The following DNAI1 variants were observed in gnomAD, a reference collection of about 807,000 sequenced individuals.
DNAI1 encodes dynein axonemal intermediate chain 1.
A neutral mutation model predicts 92.0 loss-of-function variants in DNAI1; 67 were observed. The observed-to-expected ratio is 0.73, with a 90% CI of 0.60 to 0.89. DNAI1 has a LOEUF of 0.89. Ranked by LOEUF, DNAI1 falls within the 40% of genes least tolerant of loss-of-function variation. The pLI is 0.00. For missense variants in DNAI1, 839 were observed against 866.6 expected, an observed-to-expected ratio of 0.97 and a Z score of 0.40; for synonymous variants, 323 against 319.6, an observed-to-expected ratio of 1.01 and a Z score of -0.11.
intron 1 of DNAI1, among the ~76,000 whole-genome samples, chr9:34,468,446 C>A (rs941694053): frequency 1.3e-5 from 2 of 151,580 alleles, no homozygotes; most frequent in African/African-American, 4.8e-5. Flanking sequence ...GTCTTGGCCT[C>A]CCAAAGTGCT....
intron 1 of DNAI1, among the ~76,000 whole-genome samples, chr9:34,473,949 A>T (rs2132047088): frequency 6.6e-6 from 1 of 152,232 alleles, no homozygotes; most frequent in South Asian, 2.1e-4. Context: ...GTTGGTCTCG[A>T]ACTCCTGGAC....
intron 13 of DNAI1, among the ~76,000 whole-genome samples, chr9:34,511,165 A>G (rs1276070100): frequency 1.3e-5 from 2 of 152,150 alleles, no homozygotes; most frequent in African/African-American, 4.8e-5. Context: ...AGAGAATGGA[A>G]AACTCTGGGC....
In DNAI1 at chr9:34,491,486, G is replaced by T; in HGVS notation, c.622-9G>T. Reference sequence around the variant, plus strand: ...CTTTTTGTGGGTCTCCTGTTGTCTTGTTCTTTAGGATCGAGAATGCCAGAC... The same window carrying T: ...CTTTTTGTGGGTCTCCTGTTGTCTTTTTCTTTAGGATCGAGAATGCCAGAC... On this transcript the variant is annotated splice_polypyrimidine_tract_variant and intron_variant, in intron 7 of 19. Transcript: ENST00000242317. 1 of 1,614,164 alleles carries T rather than the reference G, an allele frequency of 6.2e-7. No individual in the cohort carries two copies. The highest frequency in any genetic ancestry group is 8.5e-7 in the Non-Finnish European group (1 of 1,180,030).
chr9:34,486,160 A>C (rs1824465747), intron 4 of DNAI1, among the ~76,000 whole-genome samples: 1 of 152,164 alleles, frequency 6.6e-6, no homozygotes. Flanking sequence ...TTCCGAGTAC[A>C]TTTGAGCTGC....
intron 1 of DNAI1, among the ~76,000 whole-genome samples, chr9:34,461,460 C>G (rs1450530824): frequency 6.6e-6 from 1 of 152,182 alleles, no homozygotes; most frequent in African/African-American, 2.4e-5. Flanking sequence ...CTCCTATGCC[C>G]CACCCCTGGC....
intron 13 of DNAI1, among the ~76,000 whole-genome samples, chr9:34,511,275 A>G (rs1178011654): frequency 6.6e-6 from 1 of 152,248 alleles, no homozygotes; most frequent in Non-Finnish European, 1.5e-5. Context: ...ATAAGACAAC[A>G]GCTCTGTCTC....
At chr9:34,469,735 G>T (rs1424882540) in intron 1 of DNAI1, among the ~76,000 whole-genome samples, 1 of 151,928 alleles carries the variant, frequency 6.6e-6, no homozygotes, top group East Asian at 1.9e-4. Context: ...TCACCACCAT[G>T]GTGGCTAATT....
At chr9:34,514,293 G>A in intron 16 of DNAI1, 101 bp from the exon 17 acceptor site, 6 of 1,492,642 alleles carry the variant, frequency 4.0e-6, no homozygotes, top group Middle Eastern at 1.9e-4. Flanking sequence ...TGCGATGTGG[G>A]TTAAGGACAG....
intron 8 of DNAI1, among the ~76,000 whole-genome samples, chr9:34,492,493 G>GAGATTATATATATATATAT (rs1271867592): frequency 5.9e-5 from 4 of 68,268 alleles, no homozygotes; most frequent in Non-Finnish European, 1.2e-4. Context: ...GGGATATGAA[G>GAGATTATATATATATATAT]ATATATATAT....
At chr9:34,520,489 C>T (rs1825256305) in intron 19 of DNAI1, among the ~76,000 whole-genome samples, 169 bp from the exon 20 acceptor site, 1 of 152,128 alleles carries the variant, frequency 6.6e-6, no homozygotes. Flanking sequence ...GTCACCTAAC[C>T]CGAGTTGGGG....
chr9:34,459,872 A>G (rs1823912843), intron 1 of DNAI1, among the ~76,000 whole-genome samples: 1 of 152,238 alleles, frequency 6.6e-6, no homozygotes, highest in African/African-American at 2.4e-5. Flanking sequence ...AGGACAGGCT[A>G]TGTGCAGGAG....
Position 34,500,714 on chromosome 9 carries a change from T to C in DNAI1, c.902-8T>C, listed in dbSNP as rs755259202. ...TCCCAGGGCTGACTCTGCCTGTGTG[T>C]GTTTAAGATTTTAAGTACTATGACG... On this transcript the variant is annotated splice_region_variant and splice_polypyrimidine_tract_variant and intron_variant, in intron 10 of 19. Coordinates refer to ENST00000242317, the MANE Select transcript of DNAI1 (RefSeq NM_012144.4). 12 of 1,605,366 alleles carry C rather than the reference T, an allele frequency of 7.5e-6. No individual in the cohort carries two copies. Among genetic ancestry groups the C allele is most frequent in the African/African-American group, 1.3e-5 (1 of 74,728 alleles).
At chr9:34,465,057 G>A (rs953992705) in intron 1 of DNAI1, among the ~76,000 whole-genome samples, 2 of 152,330 alleles carry the variant, frequency 1.3e-5, no homozygotes, top group South Asian at 4.1e-4. Flanking sequence ...TTGCTAAGGT[G>A]TCAATGAAGA....
At chr9:34,472,171 C>G (rs1445558800) in intron 1 of DNAI1, among the ~76,000 whole-genome samples, 1 of 152,200 alleles carries the variant, frequency 6.6e-6, no homozygotes, top group Non-Finnish European at 1.5e-5. Flanking sequence ...TACTTGAGGG[C>G]TTACTTTATG....
At chr9:34,484,088 G>A (rs1824426849) in intron 2 of DNAI1, among the ~76,000 whole-genome samples, 1 of 152,072 alleles carries the variant, frequency 6.6e-6, no homozygotes, top group Non-Finnish European at 1.5e-5. Flanking sequence ...GGTGGTGCAT[G>A]CCTGTAGTCC....
intron 1 of DNAI1, among the ~76,000 whole-genome samples, chr9:34,471,491 C>T (rs1277962539): frequency 6.7e-6 from 1 of 148,440 alleles, no homozygotes; most frequent in African/African-American, 2.5e-5. Context: ...TAAGATCATC[C>T]AGGCACAGTG....
At chr9:34,519,012 G>A (rs1427390682) in intron 19 of DNAI1, among the ~76,000 whole-genome samples, 1 of 152,164 alleles carries the variant, frequency 6.6e-6, no homozygotes, top group Non-Finnish European at 1.5e-5. Flanking sequence ...TCAGAGAAGG[G>A]TCAGTCATGG....
At chr9:34,511,281 GTCTCCA>G (rs1825060618) in intron 13 of DNAI1, among the ~76,000 whole-genome samples, 1 of 152,212 alleles carries the variant, frequency 6.6e-6, no homozygotes, top group Admixed American at 6.5e-5. Context: ...CAACAGCTCT[GTCTCCA>G]AAACACTTTC....
At chr9:34,477,192 A>T (rs10738929) in intron 1 of DNAI1, among the ~76,000 whole-genome samples, 67,522 of 151,752 alleles carry the variant, frequency 0.44, 15,988 homozygotes, top group African/African-American at 0.61. Context: ...ATTAAAAAAA[A>T]TTTTTATGTG....
Sources: gnomAD v4.1 joint callset for allele counts (sites outside exome capture counted in the v4.1 genomes callset) on GRCh38, gnomAD v4.1.1 for gene constraint, MANE v1.5 for transcripts, NCBI Gene and HGNC (gene_info 2026-07-23, HGNC 2026-07-21) for gene names.